Variants in SRPX2 observed in about 807,000 individuals in gnomAD.
SRPX2 encodes sushi repeat-containing protein SRPX2.
SRPX2 carries 26 observed loss-of-function variants against 45.3 expected under a neutral mutation model. The observed-to-expected ratio is 0.57, with a 90% CI of 0.42 to 0.80. The LOEUF is 0.80. Ranked by LOEUF, SRPX2 falls within the 30% of genes least tolerant of loss-of-function variation. The pLI, the probability that SRPX2 is intolerant of heterozygous loss-of-function variation, is 0.00. For synonymous variants in SRPX2, 125 were observed against 143.7 expected, an observed-to-expected ratio of 0.87 and a Z score of 0.93; for missense variants, 355 against 399.8, an observed-to-expected ratio of 0.89 and a Z score of 0.95.
At chrX:100,651,149 T>C (rs2083151782) in intron 3 of SRPX2, 4 of 338,195 alleles carry the variant, frequency 1.2e-5, no homozygotes, top group Non-Finnish European at 2.1e-5. Flanking sequence ...AGGTCTCAGA[T>C]AGGGTTTTGT....
intron 3 of SRPX2, among the ~76,000 whole-genome samples, chrX:100,657,349 C>CTTTT (rs1163232018): frequency 0.022 from 617 of 28,370 alleles, 172 homozygotes; most frequent in Non-Finnish European, 0.023. Context: ...TTATTTATGT[C>CTTTT]TTTTTTTTTT....
intron 3 of SRPX2, among the ~76,000 whole-genome samples, chrX:100,659,901 A>C (rs181427071): frequency 1.9e-5 from 2 of 106,077 alleles, no homozygotes; most frequent in Admixed American, 2.1e-4. Flanking sequence ...GTGTGTGTGC[A>C]TCCTTGGGCA....
Position 100,650,306 on chromosome X carries a change from A to T in SRPX2, c.83-479A>T, listed in dbSNP as rs190885274. The T allele has an allele frequency of 4.5e-5, 6 of 134,068 alleles. No individual in the cohort carries two copies. The East Asian group carries it at 1.2e-3, about 27-fold the overall frequency. The allele number at this position is 134,068 out of a possible 1,213,427, so 11.0% of individuals were successfully genotyped here. ...AGGCCTGTGCCCTGTGGGCTAGTGGAAGCCTGAGTAATTGTTTTTTTTTGA... is the reference window on the plus strand; with the variant it reads ...AGGCCTGTGCCCTGTGGGCTAGTGGTAGCCTGAGTAATTGTTTTTTTTTGA... On this transcript the variant is annotated intron_variant, in intron 2 of 10. Coordinates refer to ENST00000373004, the MANE Select transcript of SRPX2 (RefSeq NM_014467.3).
intron 2 of SRPX2, among the ~76,000 whole-genome samples, chrX:100,649,982 T>C (rs1399572559): frequency 8.9e-6 from 1 of 112,083 alleles, no homozygotes; most frequent in Non-Finnish European, 1.9e-5. Context: ...TTTCCTGCCG[T>C]CTGGTGGAAC....
intron 1 of SRPX2, among the ~76,000 whole-genome samples, chrX:100,644,740 T>C (rs1262962747): frequency 1.8e-5 from 2 of 111,264 alleles, no homozygotes; most frequent in Non-Finnish European, 3.8e-5. Flanking sequence ...GATGGTTGAC[T>C]CTGGTGAGTC....
At position 100,675,148 on chromosome X, in the gene SRPX2, C is replaced by G. The variant is rs1420086941; in HGVS notation, c.*4161C>G. 2 of 112,370 alleles carry G rather than the reference C, an allele frequency of 1.8e-5. No individual in the cohort carries two copies. The highest frequency in any genetic ancestry group is 3.8e-5 in the Non-Finnish European group (2 of 53,261). 9.3% of individuals were successfully genotyped at this position (112,370 alleles called of 1,213,427 possible). On this transcript the variant is annotated 3_prime_UTR_variant, in exon 11 of 11. Coordinates refer to ENST00000373004, the MANE Select transcript of SRPX2 (RefSeq NM_014467.3). ...ATGAGGATGAATATATCTCATCTTTCATTCGAGAAATGAGGAGCTCTCTCT... is the reference window on the plus strand; with the variant it reads ...ATGAGGATGAATATATCTCATCTTTGATTCGAGAAATGAGGAGCTCTCTCT...
At position 100,665,530 on chromosome X, in the gene SRPX2, A is replaced by G. The variant is rs759689601; in HGVS notation, c.660-6A>G. 1 of 1,211,770 alleles carries G rather than the reference A, an allele frequency of 8.3e-7. No homozygotes were observed. Among genetic ancestry groups the G allele is most frequent in the South Asian group, 1.8e-5 (1 of 56,971 alleles). On this transcript the variant is annotated splice_polypyrimidine_tract_variant and splice_region_variant and intron_variant, in intron 6 of 10. Coordinates refer to ENST00000373004, the MANE Select transcript of SRPX2 (RefSeq NM_014467.3). ...CTCAGTGTTTATTTCACCCTGTCCC[A>G]TGCAGGGTGACACTTCGGGGCCCTG...
At chrX:100,653,492 A>G (rs1192109690) in intron 3 of SRPX2, among the ~76,000 whole-genome samples, 1 of 111,146 alleles carries the variant, frequency 9.0e-6, no homozygotes, top group Non-Finnish European at 1.9e-5. Context: ...TAACTGGATT[A>G]TCTGACTCAT....
rs1218102666 is a variant in SRPX2, at chrX:100,672,209, A to G, written c.*1222A>G. ...CCTGCTCTGACTGCAGTCCCTCTCA[A>G]TGGTGTGCCAGTGTCTGAAAGACAA... On this transcript the variant is annotated 3_prime_UTR_variant, in exon 11 of 11. Coordinates refer to ENST00000373004, the MANE Select transcript of SRPX2 (RefSeq NM_014467.3). 8.9e-6 allele frequency: 1 copy of G among 112,382 alleles called. No homozygotes were observed. Among genetic ancestry groups the G allele is most frequent in the East Asian group, 2.8e-4 (1 of 3,564 alleles). 9.3% of individuals were successfully genotyped at this position (112,382 alleles called of 1,213,427 possible).
chrX:100,669,575 T>C (rs1440144789), intron 10 of SRPX2, among the ~76,000 whole-genome samples: 1 of 110,658 alleles, frequency 9.0e-6, no homozygotes, highest in African/African-American at 3.3e-5. Flanking sequence ...CAGAATCAAA[T>C]GAGGGCTTAA....
chrX:100,668,134 GA>G (rs2083210661), intron 9 of SRPX2, among the ~76,000 whole-genome samples: 1 of 110,163 alleles, frequency 9.1e-6, no homozygotes, highest in Admixed American at 9.7e-5. Context: ...TGATTATGGG[GA>G]CTTATAAAAG....
In SRPX2 at chrX:100,655,124, G is replaced by A. The variant is rs539228402; in HGVS notation, c.163+4259G>A. On this transcript the variant is annotated intron_variant, in intron 3 of 10. Transcript: ENST00000373004. ...CAAACCTCCGCTTCTCCCCCTTCCA[G>A]CTCTTGGACTCTGGACAAACACCTA... is the stretch of plus-strand genomic sequence containing the variant. Among the ~76,000 whole-genome samples, 4 of 112,285 alleles carry A rather than the reference G, an allele frequency of 3.6e-5. No individual in the cohort carries two copies. In the South Asian group the frequency reaches 1.5e-3, roughly 42 times the overall value.
In SRPX2 at chrX:100,657,349, C is replaced by CTT. The variant is rs1163232018; in HGVS notation, c.164-4809_164-4808dup. ...CCTGGCCGGCATCTGTTATTTATGT[C>CTT]TTTTTTTTTTTTTTTTTTTGAGACA... On this transcript the variant is annotated intron_variant, in intron 3 of 10. Transcript: ENST00000373004. 6.1e-3 allele frequency among the ~76,000 whole-genome samples: 174 copies of CTT among 28,408 alleles called. 46 individuals carry two copies. The highest frequency in any genetic ancestry group is 0.013 in the African/African-American group (126 of 9,677). 24.7% of individuals were successfully genotyped at this position (28,408 alleles called of 115,157 possible). A position where few individuals can be genotyped will look rare whatever the true frequency, so the allele number is the denominator to read the frequency against.
chrX:100,660,789 G>A (rs1017554564), intron 3 of SRPX2, among the ~76,000 whole-genome samples: 2 of 109,978 alleles, frequency 1.8e-5, no homozygotes, highest in Admixed American at 9.7e-5. Flanking sequence ...GTTGCCGTGA[G>A]CCGAGATTGC....
At chrX:100,657,667 T>C (rs1394800802) in intron 3 of SRPX2, among the ~76,000 whole-genome samples, 3 of 110,349 alleles carry the variant, frequency 2.7e-5, no homozygotes, top group African/African-American at 9.9e-5. Context: ...ATAATAGCCA[T>C]TTTAACTGGG....
intron 3 of SRPX2, among the ~76,000 whole-genome samples, chrX:100,652,786 A>G (rs2083157497): frequency 9.0e-6 from 1 of 111,478 alleles, no homozygotes; most frequent in Non-Finnish European, 1.9e-5. Context: ...TCCTCTGAGC[A>G]TCTTTGTAGC....
intron 7 of SRPX2, 43 bp downstream of exon 7, chrX:100,665,700 G>T: frequency 8.3e-7 from 1 of 1,209,887 alleles, no homozygotes; most frequent in Non-Finnish European, 1.1e-6. Flanking sequence ...CATTAATCCT[G>T]CTCTACCCTG....
intron 2 of SRPX2, chrX:100,649,545 C>A (rs1022146936): frequency 8.9e-6 from 1 of 112,033 alleles, no homozygotes; most frequent in East Asian, 2.8e-4. Flanking sequence ...GGCAAACCAA[C>A]GAGGACATGA....
intron 3 of SRPX2, among the ~76,000 whole-genome samples, chrX:100,655,668 A>C (rs1283003074): frequency 9.1e-6 from 1 of 110,232 alleles, no homozygotes; most frequent in African/African-American, 3.3e-5. Context: ...TCATCTGCAA[A>C]AGAGGGATAA....
Sources: allele counts gnomAD v4.1 joint callset (sites outside exome capture counted in the v4.1 genomes callset), GRCh38; gene constraint gnomAD v4.1.1; transcripts MANE v1.5; gene names NCBI Gene and HGNC (gene_info 2026-07-23, HGNC 2026-07-21).